The following ATF7IP2 variants were observed in gnomAD, a reference collection of about 807,000 sequenced individuals.
The protein encoded by ATF7IP2 is activating transcription factor 7-interacting protein 2.
In ATF7IP2, 42 loss-of-function variants were observed where a neutral mutation model predicts 64.2. The observed-to-expected ratio is 0.65, with a 90% confidence interval of 0.51 to 0.85. The LOEUF (loss-of-function observed/expected upper bound fraction) is 0.85, where lower values mean the gene tolerates loss of function less well. Ranked by LOEUF, ATF7IP2 falls within the 40% of genes least tolerant of loss-of-function variation. The probability of loss-of-function intolerance (pLI) is 0.00; values close to 1 mark genes in which losing one functional copy is unlikely to be tolerated. For missense variants in ATF7IP2, 933 were observed against 784.2 expected (o/e 1.19, Z -2.27); for synonymous variants, 308 against 272.8 (o/e 1.13, Z -1.27).
At chr16:10,438,351 C>A in intron 7 of ATF7IP2, 116 bp downstream of exon 7, 2 of 1,087,634 alleles carry the variant, frequency 1.8e-6, no homozygotes, top group Non-Finnish European at 2.5e-6. Context: ...CTCAAGCAAT[C>A]CTACCACCTC....
At chr16:10,407,302 A>G (rs920048829) in intron 1 of ATF7IP2, among the ~76,000 whole-genome samples, 1 of 152,196 alleles carries the variant, frequency 6.6e-6, no homozygotes, top group African/African-American at 2.4e-5. Flanking sequence ...AAGAACTACA[A>G]ACCTTTGGTT....
intron 4 of ATF7IP2, among the ~76,000 whole-genome samples, chr16:10,429,509 C>G (rs1173584371): frequency 6.6e-6 from 1 of 152,106 alleles, no homozygotes; most frequent in Non-Finnish European, 1.5e-5. Flanking sequence ...GCCAGCATGC[C>G]TGGCTAGTTT....
chr16:10,459,072 G>A (rs2049281678), intron 9 of ATF7IP2, among the ~76,000 whole-genome samples: 1 of 152,108 alleles, frequency 6.6e-6, no homozygotes, highest in Non-Finnish European at 1.5e-5. Context: ...GGTGGCTCAT[G>A]CCTGTAATCC....
Position 10,457,252 on chromosome 16 carries a change from T to C in ATF7IP2, c.1195-120T>C, listed in dbSNP as rs1391677058. On this transcript the variant is annotated intron_variant, in intron 8 of 13. Transcript: ENST00000562102. The stretch of plus-strand genomic sequence containing the variant: ...CATGGTCATCAGCCATCGAAATACA[T>C]GTGATTTAACTTATGTTTTGCCATA... 5.0e-6 allele frequency: 4 copies of C among 805,914 alleles called. No homozygotes were observed. In the African/African-American group the frequency reaches 5.4e-5, roughly 11 times the overall value. 49.9% of individuals were successfully genotyped at this position (805,914 alleles called of 1,614,324 possible).
At chr16:10,409,269 A>T (rs887729804) in intron 1 of ATF7IP2, among the ~76,000 whole-genome samples, 1 of 152,134 alleles carries the variant, frequency 6.6e-6, no homozygotes, top group Non-Finnish European at 1.5e-5. Context: ...CAACCAAGGG[A>T]ACAGATGTGA....
chr16:10,427,616 G>T (rs1253438793), intron 3 of ATF7IP2, among the ~76,000 whole-genome samples: 1 of 152,180 alleles, frequency 6.6e-6, no homozygotes, highest in Non-Finnish European at 1.5e-5. Context: ...AGCACTTTGG[G>T]AGGCTAAGGC....
At chr16:10,417,957 C>T (rs573172827) in intron 2 of ATF7IP2, among the ~76,000 whole-genome samples, 19 of 152,246 alleles carry the variant, frequency 1.2e-4, no homozygotes, top group Middle Eastern at 3.4e-3. Flanking sequence ...CCACGTCGGT[C>T]GTGGAGACCC....
At chr16:10,459,057 G>C (rs1388433313) in intron 9 of ATF7IP2, among the ~76,000 whole-genome samples, 1 of 151,928 alleles carries the variant, frequency 6.6e-6, no homozygotes, top group Non-Finnish European at 1.5e-5. Flanking sequence ...AAATTGGCCA[G>C]GCACGGTGGC....
Position 10,404,008 on chromosome 16 carries a change from C to A in ATF7IP2, c.-241-10566C>A, listed in dbSNP as rs182194784. On this transcript the variant is annotated intron_variant, in intron 1 of 13. Transcript: ENST00000562102. The stretch of plus-strand genomic sequence containing the variant: ...AAAGAAAAAGCAAATATTTAGGGAA[C>A]CTTTTTCAGGAAATAATTAATGAAA... 8.5e-5 allele frequency among the ~76,000 whole-genome samples: 13 copies of A among 152,188 alleles called. No individual in the cohort carries two copies. The East Asian group carries it at 1.3e-3, about 16-fold the overall frequency.
chr16:10,453,208 C>T (rs117063994), intron 8 of ATF7IP2, among the ~76,000 whole-genome samples: 3 of 152,290 alleles, frequency 2.0e-5, no homozygotes, highest in South Asian at 2.1e-4. Context: ...AACCCAGGGC[C>T]GTGGTAGCAT....
chr16:10,438,219 T>G lies in ATF7IP2; in HGVS notation c.1079T>G (p.Ile360Arg). 6.3e-7 allele frequency: 1 copy of G among 1,594,880 alleles called. No individual in the cohort carries two copies. The highest frequency in any genetic ancestry group is 8.5e-7 in the Non-Finnish European group (1 of 1,173,518). The change falls in exon 7 of 14, where the codon ATA (isoleucine) becomes AGA (arginine). Residue 360 changes from isoleucine (I) to arginine (R), a missense_variant. Physicochemically the swap from Ile to Arg is moderately conservative, Grantham distance 97. Transcript: ENST00000562102. ...KTECRNKHEG[I>R]ADKLLAKIAK... The stretch of plus-strand genomic sequence containing the variant: ...GAGTGCAGAAATAAGCATGAAGGAA[T>G]AGCTGATAAACTTTTGGTAAGTTTT...
chr16:10,390,583 A>T (rs557333509), intron 1 of ATF7IP2, among the ~76,000 whole-genome samples: 16 of 152,192 alleles, frequency 1.1e-4, no homozygotes, highest in Admixed American at 2.0e-4. Flanking sequence ...GGAGTTTGAG[A>T]CCCACCTGGG....
intron 2 of ATF7IP2, among the ~76,000 whole-genome samples, chr16:10,416,638 A>G (rs1370257763): frequency 6.6e-6 from 1 of 152,174 alleles, no homozygotes; most frequent in Non-Finnish European, 1.5e-5. Flanking sequence ...ACTAAAAAAC[A>G]CAAAAGTTAG....
intron 6 of ATF7IP2, 108 bp downstream of exon 6, chr16:10,433,757 T>C: frequency 7.8e-7 from 1 of 1,276,074 alleles, no homozygotes; most frequent in Admixed American, 2.1e-5. Flanking sequence ...TTTCACTTGC[T>C]GCAGAGCTGG....
intron 6 of ATF7IP2, among the ~76,000 whole-genome samples, chr16:10,435,190 A>G (rs770953092): frequency 1.3e-5 from 2 of 152,194 alleles, no homozygotes; most frequent in Non-Finnish European, 2.9e-5. Context: ...TTGAATCTCA[A>G]TGAGATAGCC....
rs191746359 is a variant in ATF7IP2, at chr16:10,482,130, T to A, written c.1930T>A (p.Ser644Thr). 2.4e-5 allele frequency: 39 copies of A among 1,614,094 alleles called. No homozygotes were observed. In the Admixed American group the frequency reaches 6.5e-4, roughly 27 times the overall value. The change falls in exon 14 of 14, where the codon TCT becomes ACT. Residue 644 changes from serine to threonine, a missense_variant. By Grantham distance (58) the Ser-to-Thr change is moderately conservative. Coordinates refer to ENST00000562102, the MANE Select transcript of ATF7IP2 (RefSeq NM_001393719.1). ...ALPLPMACTL[S>T]QFLASNRYYF... ...ACCACTCCCCATGGCCTGTACTTTA[T>A]CTCAGTTTTTAGCTTCCAACAGATA...
At chr16:10,395,241 C>G (rs1222473769) in intron 1 of ATF7IP2, among the ~76,000 whole-genome samples, 3 of 151,792 alleles carry the variant, frequency 2.0e-5, no homozygotes, top group Non-Finnish European at 4.4e-5. Flanking sequence ...AGACAAATTC[C>G]TAAAAAGACA....
intron 8 of ATF7IP2, among the ~76,000 whole-genome samples, chr16:10,452,713 G>A (rs758413179): frequency 9.2e-5 from 14 of 152,286 alleles, no homozygotes; most frequent in Non-Finnish European, 2.9e-5. Flanking sequence ...GCCCTCAGGT[G>A]CTCTGTCCCA....
At chr16:10,465,867 C>G (rs1340186815) in intron 9 of ATF7IP2, among the ~76,000 whole-genome samples, 1 of 152,042 alleles carries the variant, frequency 6.6e-6, no homozygotes, top group East Asian at 1.9e-4. Flanking sequence ...ATGGATTTCT[C>G]AAGATAAGCA....
Sources: gnomAD v4.1 joint callset for allele counts (sites outside exome capture counted in the v4.1 genomes callset) on GRCh38, gnomAD v4.1.1 for gene constraint, MANE v1.5 for transcripts, NCBI Gene and HGNC (gene_info 2026-07-23, HGNC 2026-07-21) for gene names.